FAM111B: variants seen among roughly 807,000 people sequenced by gnomAD.
The protein encoded by FAM111B is serine protease FAM111B.
A neutral mutation model predicts 2.8 loss-of-function variants in FAM111B; 1 was observed. The ratio of observed to expected loss-of-function variants is 0.36; its 90% CI spans 0.13 to 1.70. FAM111B has a LOEUF of 1.70. Among genes scored for constraint, FAM111B ranks in the 40% most tolerant of loss-of-function variants. The pLI is 0.35. For synonymous variants in FAM111B, 297 were observed against 295.6 expected, an observed-to-expected ratio of 1.00 and a Z score of -0.05; for missense variants, 882 against 878.9, an observed-to-expected ratio of 1.00 and a Z score of -0.04.
intron 3 of FAM111B, among the ~76,000 whole-genome samples, chr11:59,120,621 G>C (rs1859906053): frequency 6.6e-6 from 1 of 152,170 alleles, no homozygotes; most frequent in Admixed American, 6.5e-5. Flanking sequence ...TCTGTTCCAG[G>C]ACTCTCTCCT....
intron 3 of FAM111B, among the ~76,000 whole-genome samples, chr11:59,122,390 C>A (rs936283606): frequency 6.6e-5 from 10 of 152,118 alleles, no homozygotes; most frequent in African/African-American, 2.4e-4. Context: ...CACTGTATGC[C>A]TCTAATGATT....
chr11:59,124,190 G>A lies in FAM111B; in HGVS notation c.93G>A (p.Met31Ile), dbSNP rs934299979. 1 of 1,608,944 alleles carries A rather than the reference G, an allele frequency of 6.2e-7. No individual in the cohort carries two copies. Among genetic ancestry groups the A allele is most frequent in the Non-Finnish European group, 8.5e-7 (1 of 1,177,008 alleles). ...CTTTCCTTTTTAAGGATACTGTCAT[G>A]AAGCAGACACATGCTGACACACCTG... ...TRPEVSKDTV[M>I]KQTHADTPVD... Residue 31 changes from methionine to isoleucine, a missense_variant, in exon 4 of 4, where the codon ATG becomes ATA. Transcript: ENST00000343597.
At chr11:59,114,480 A>G (rs1281011739) in intron 3 of FAM111B, among the ~76,000 whole-genome samples, 4 of 152,130 alleles carry the variant, frequency 2.6e-5, no homozygotes, top group Non-Finnish European at 5.9e-5. Flanking sequence ...GTGTGAAGGA[A>G]AAGAGAGATG....
intron 3 of FAM111B, among the ~76,000 whole-genome samples, chr11:59,111,709 C>T (rs895425981): frequency 1.1e-4 from 17 of 152,108 alleles, no homozygotes; most frequent in African/African-American, 4.1e-4. Context: ...TAGAACATTT[C>T]CGTCACTGCA....
In FAM111B at chr11:59,125,606, T is replaced by A; in HGVS notation, c.1509T>A (p.Ser503Arg). ...TGGTGGGTAAAAACACACATCCAAG[T>A]TTGTGGCCAGATATAATTAGCAAAT... Reference protein sequence around the residue: ...HLMVGKNTHPSLWPDIISKCA... With the variant: ...HLMVGKNTHPRLWPDIISKCA... Residue 503 changes from serine (S) to arginine (R), a missense_variant, in exon 4 of 4, where the codon AGT becomes AGA. Coordinates refer to ENST00000343597, the MANE Select transcript of FAM111B (RefSeq NM_198947.4). 6.2e-7 allele frequency: 1 copy of A among 1,613,964 alleles called. No homozygotes were observed. The highest frequency in any genetic ancestry group is 1.1e-5 in the South Asian group (1 of 91,078).
intron 3 of FAM111B, among the ~76,000 whole-genome samples, chr11:59,118,142 G>A (rs1410743236): frequency 9.2e-5 from 14 of 152,304 alleles, no homozygotes; most frequent in Admixed American, 5.9e-4. Context: ...AGTGGAAAGC[G>A]GGAGTTGGGG....
intron 3 of FAM111B, among the ~76,000 whole-genome samples, 200 bp from the exon 4 acceptor site, chr11:59,123,979 A>G (rs1039531586): frequency 6.6e-6 from 1 of 152,058 alleles, no homozygotes; most frequent in Admixed American, 6.5e-5. Flanking sequence ...AAGTATACAG[A>G]GAAAAAAAAT....
At chr11:59,108,339 TGATCAG>T (rs1859699143) in intron 1 of FAM111B, among the ~76,000 whole-genome samples, 1 of 152,230 alleles carries the variant, frequency 6.6e-6, no homozygotes, top group Non-Finnish European at 1.5e-5. Flanking sequence ...GCTGCTGCTC[TGATCAG>T]TACACAGCTG....
intron 2 of FAM111B, 120 bp downstream of exon 2, chr11:59,108,832 G>C (rs563180601): frequency 1.3e-5 from 2 of 152,202 alleles, no homozygotes; most frequent in African/African-American, 4.8e-5. Flanking sequence ...TTAAGTGCCT[G>C]CTGATTTTTT....
intron 3 of FAM111B, among the ~76,000 whole-genome samples, chr11:59,117,546 G>A (rs1245157264): frequency 6.6e-6 from 1 of 152,146 alleles, no homozygotes; most frequent in Non-Finnish European, 1.5e-5. Context: ...CACTTACCAA[G>A]CACAGATCAG....
At chr11:59,111,207 A>T (rs924511964) in intron 3 of FAM111B, among the ~76,000 whole-genome samples, 2 of 152,146 alleles carry the variant, frequency 1.3e-5, no homozygotes, top group Admixed American at 6.5e-5. Flanking sequence ...TTTGCCATCT[A>T]ATTGTCCCAA....
chr11:59,122,241 G>C (rs1355009232), intron 3 of FAM111B, among the ~76,000 whole-genome samples: 5 of 152,204 alleles, frequency 3.3e-5, no homozygotes, highest in African/African-American at 1.2e-4. Flanking sequence ...CCAGCAAAAT[G>C]AAACAGTGTA....
intron 3 of FAM111B, among the ~76,000 whole-genome samples, chr11:59,118,978 G>A (rs763539396): frequency 2.0e-5 from 3 of 152,116 alleles, no homozygotes. Context: ...ATATTACAGA[G>A]CTAATATATC....
chr11:59,114,920 A>G (rs1325145410), intron 3 of FAM111B, among the ~76,000 whole-genome samples: 1 of 152,184 alleles, frequency 6.6e-6, no homozygotes, highest in African/African-American at 2.4e-5. Flanking sequence ...ATAAGGTGAT[A>G]TCTGAGACCT....
In FAM111B at chr11:59,109,568, C is replaced by A. The variant is rs1859725079; in HGVS notation, c.-58C>A. ...TTTCAGGTGGCAGAATAAATTCAAT[C>A]CTTGTTTCTCCATCTTATCGAGTAG... On this transcript the variant is annotated 5_prime_UTR_variant, in exon 3 of 4. Coordinates refer to ENST00000343597, the MANE Select transcript of FAM111B (RefSeq NM_198947.4). The A allele has an allele frequency of 1.6e-6, 2 of 1,217,274 alleles. No individual in the cohort carries two copies. The highest frequency in any genetic ancestry group is 1.5e-5 in the African/African-American group (1 of 65,146). 75.4% of individuals were successfully genotyped at this position (1,217,274 alleles called of 1,614,324 possible). A position where few individuals can be genotyped will look rare whatever the true frequency, so the allele number is the denominator to read the frequency against.
chr11:59,114,521 G>C (rs1859810256), intron 3 of FAM111B, among the ~76,000 whole-genome samples: 2 of 152,212 alleles, frequency 1.3e-5, no homozygotes, highest in African/African-American at 4.8e-5. Context: ...GTGGAGGCCA[G>C]AGAGGGAGCA....
chr11:59,126,289 C>G lies in FAM111B; in HGVS notation c.2192C>G (p.Pro731Arg). 6.5e-7 allele frequency: 1 copy of G among 1,526,978 alleles called. No homozygotes were observed. The highest frequency in any genetic ancestry group is 8.8e-7 in the Non-Finnish European group (1 of 1,141,972). The allele number at this position is 1,526,978 out of a possible 1,614,324, so 94.6% of individuals were successfully genotyped here. A position where few individuals can be genotyped will look rare whatever the true frequency, so the allele number is the denominator to read the frequency against. ...ESSLQDHQIE[P>R]MEC ...TCACTTCAAGATCATCAGATTGAAC[C>G]CATGGAATGTTAGAAAAGAGATGCT... Residue 731 changes from proline to arginine, a missense_variant, in exon 4 of 4, where the codon CCC becomes CGC. Physicochemically the swap from Pro to Arg is moderately radical, Grantham distance 103. Coordinates refer to ENST00000343597, the MANE Select transcript of FAM111B (RefSeq NM_198947.4).
In FAM111B at chr11:59,124,690, T is replaced by C. The variant is rs772681911; in HGVS notation, c.593T>C (p.Ile198Thr). 4 of 1,613,766 alleles carry C rather than the reference T, an allele frequency of 2.5e-6. No homozygotes were observed. The highest frequency in any genetic ancestry group is 2.2e-5 in the South Asian group (2 of 91,036). ...GCTATAGGAAGGACAAGAAAGAAGATTGTTAAGATCAACGAACTTCATGAA... is the reference window on the plus strand; with the variant it reads ...GCTATAGGAAGGACAAGAAAGAAGACTGTTAAGATCAACGAACTTCATGAA... Reference protein sequence around the residue: ...VVAIGRTRKKIVKINELHEKG... With the variant: ...VVAIGRTRKKTVKINELHEKG... The change falls in exon 4 of 4, where the codon ATT becomes ACT. Residue 198 changes from isoleucine to threonine, a missense_variant. Ile to Thr is a moderately conservative substitution (Grantham distance 89). Transcript: ENST00000343597.
At chr11:59,121,536 G>A (rs1859921599) in intron 3 of FAM111B, among the ~76,000 whole-genome samples, 1 of 152,070 alleles carries the variant, frequency 6.6e-6, no homozygotes, top group Non-Finnish European at 1.5e-5. Context: ...AAATAATATG[G>A]CAATATCTAT....
Sources: allele counts gnomAD v4.1 joint callset (sites outside exome capture counted in the v4.1 genomes callset), GRCh38; gene constraint gnomAD v4.1.1; transcripts MANE v1.5; gene names NCBI Gene and HGNC (gene_info 2026-07-23, HGNC 2026-07-21).